PALM2AKAP2: variants seen among roughly 807,000 people sequenced by gnomAD.
PALM2AKAP2 encodes PALM2 and AKAP2 fusion, also known as PALM2-AKAP2 fusion protein.
A neutral mutation model predicts 71.5 loss-of-function variants in PALM2AKAP2; 37 were observed. The ratio of observed to expected loss-of-function variants is 0.52; its 90% CI spans 0.40 to 0.68. PALM2AKAP2 has a LOEUF of 0.68. Among genes scored for constraint, PALM2AKAP2 ranks in the 30% least tolerant of loss-of-function variants. The pLI, the probability that PALM2AKAP2 is intolerant of heterozygous loss-of-function variation, is 0.00. For missense variants in PALM2AKAP2, 1,224 were observed against 1,191.8 expected (o/e 1.03, Z -0.40); for synonymous variants, 468 against 478.8 (o/e 0.98, Z 0.29).
chr9:109,915,592 A>G (rs967008886), intron 3 of PALM2AKAP2, among the ~76,000 whole-genome samples: 4 of 152,152 alleles, frequency 2.6e-5, no homozygotes, highest in African/African-American at 9.7e-5. Context: ...GTATCCATCC[A>G]TCTGTGTCAT....
chr9:109,945,613 A>G (rs184328500), intron 6 of PALM2AKAP2: 74 of 152,360 alleles, frequency 4.9e-4, no homozygotes, highest in African/African-American at 1.5e-3. Context: ...TAAGAAAGAA[A>G]CAATCTGAAA....
At chr9:110,078,501 A>G (rs1263174885) in intron 1 of PALM2AKAP2, among the ~76,000 whole-genome samples, 3 of 152,196 alleles carry the variant, frequency 2.0e-5, no homozygotes, top group African/African-American at 4.8e-5. Context: ...TTTGTTTCAC[A>G]TTGTTCTGAA....
At chr9:109,682,619 C>G (rs550065212) in intron 1 of PALM2AKAP2, among the ~76,000 whole-genome samples, 1 of 152,326 alleles carries the variant, frequency 6.6e-6, no homozygotes, top group Non-Finnish European at 1.5e-5. Flanking sequence ...TTGTTCCACA[C>G]TGAGTAGTTT....
At chr9:110,123,285 G>A (rs1228233686) in intron 1 of PALM2AKAP2, among the ~76,000 whole-genome samples, 1 of 152,212 alleles carries the variant, frequency 6.6e-6, no homozygotes, top group Non-Finnish European at 1.5e-5. Flanking sequence ...GAGGCTAGAA[G>A]CACAAAATCC....
At chr9:110,089,995 A>C (rs1376289710) in intron 1 of PALM2AKAP2, among the ~76,000 whole-genome samples, 1 of 152,250 alleles carries the variant, frequency 6.6e-6, no homozygotes, top group Non-Finnish European at 1.5e-5. Flanking sequence ...TTTGAATTCA[A>C]GTAACAGCTA....
intron 1 of PALM2AKAP2, among the ~76,000 whole-genome samples, chr9:109,745,889 C>T (rs892584572): frequency 5.9e-5 from 9 of 152,154 alleles, no homozygotes; most frequent in African/African-American, 2.2e-4. Flanking sequence ...ATGACTCCAT[C>T]CAAAACGTTG....
At chr9:109,885,251 A>G (rs1372717386) in intron 3 of PALM2AKAP2, among the ~76,000 whole-genome samples, 1 of 152,194 alleles carries the variant, frequency 6.6e-6, no homozygotes, top group African/African-American at 2.4e-5. Context: ...CTCTGCCAGA[A>G]TTATTATATG....
chr9:110,005,462 A>G (rs1264687251), intron 6 of PALM2AKAP2, among the ~76,000 whole-genome samples: 1 of 152,088 alleles, frequency 6.6e-6, no homozygotes, highest in Non-Finnish European at 1.5e-5. Context: ...CAGTTAGGCT[A>G]CTCGGGGGTC....
Position 109,974,655 on chromosome 9 carries a change from A to G in PALM2AKAP2, c.497-41299A>G, listed in dbSNP as rs376648851. Among the ~76,000 whole-genome samples the G allele has an allele frequency of 1.2e-4, 18 of 152,312 alleles. No individual in the cohort carries two copies. The East Asian group carries it at 3.1e-3, about 26-fold the overall frequency. ...GGAAAAAAATCCCCTGCAATGGTTTACAAAGTGTACCGCAATAGTAAGAAA... is the reference window on the plus strand; with the variant it reads ...GGAAAAAAATCCCCTGCAATGGTTTGCAAAGTGTACCGCAATAGTAAGAAA... On this transcript the variant is annotated intron_variant, in intron 6 of 9. Transcript: ENST00000302798.
At chr9:110,046,876 T>C (rs1049515842), upstream of PALM2AKAP2, among the ~76,000 whole-genome samples, 3 of 152,180 alleles carry the variant, frequency 2.0e-5, no homozygotes, top group African/African-American at 7.2e-5. Flanking sequence ...CATGATATTG[T>C]TTATAACATC....
At chr9:109,876,959 G>A (rs767260762) in intron 2 of PALM2AKAP2, among the ~76,000 whole-genome samples, 5 of 152,146 alleles carry the variant, frequency 3.3e-5, no homozygotes, top group South Asian at 4.1e-4. Context: ...AGCTAAGTTG[G>A]TGAGAAGTGA....
At chr9:110,114,696 G>A (rs895729885) in intron 1 of PALM2AKAP2, among the ~76,000 whole-genome samples, 3 of 152,128 alleles carry the variant, frequency 2.0e-5, no homozygotes, top group Non-Finnish European at 2.9e-5. Context: ...GCAGCAAAAC[G>A]GTCAACAGCA....
chr9:109,904,692 A>G (rs1302871393), intron 3 of PALM2AKAP2, among the ~76,000 whole-genome samples: 1 of 152,176 alleles, frequency 6.6e-6, no homozygotes, highest in African/African-American at 2.4e-5. Context: ...TCTGCTGAAC[A>G]CAGAGGTGGC....
At chr9:109,680,808 G>A (rs1323203322) in intron 1 of PALM2AKAP2, among the ~76,000 whole-genome samples, 1 of 152,132 alleles carries the variant, frequency 6.6e-6, no homozygotes, top group Non-Finnish European at 1.5e-5. Context: ...AAGGTCACAG[G>A]TACTGCTAAT....
At chr9:110,072,802 T>C (rs1834233108) in intron 1 of PALM2AKAP2, among the ~76,000 whole-genome samples, 1 of 152,166 alleles carries the variant, frequency 6.6e-6, no homozygotes, top group Non-Finnish European at 1.5e-5. Flanking sequence ...TGGGCTGGCA[T>C]TCTTGGTCTC....
chr9:109,691,263 G>A lies in PALM2AKAP2; in HGVS notation c.5+50397G>A, dbSNP rs927145344. On this transcript the variant is annotated intron_variant, in intron 1 of 6. Coordinates refer to the PALM2AKAP2 transcript ENST00000374531. ...CTGTAATCTGTCAGCACAATAGCTGGGATGGAGTGAGAATCAGTATCTGAT... is the reference window on the plus strand; with the variant it reads ...CTGTAATCTGTCAGCACAATAGCTGAGATGGAGTGAGAATCAGTATCTGAT... Among the ~76,000 whole-genome samples, 7 of 151,600 alleles carry A rather than the reference G, an allele frequency of 4.6e-5. No homozygotes were observed. In the South Asian group the frequency reaches 8.3e-4, roughly 18 times the overall value.
At chr9:109,853,559 G>A (rs1270443391) in intron 1 of PALM2AKAP2, among the ~76,000 whole-genome samples, 1 of 152,290 alleles carries the variant, frequency 6.6e-6, no homozygotes, top group Non-Finnish European at 1.5e-5. Context: ...TAATACTTAA[G>A]TCTCTCTCTT....
At chr9:109,647,775 T>TA (rs1275850826) in intron 1 of PALM2AKAP2, among the ~76,000 whole-genome samples, 1 of 152,232 alleles carries the variant, frequency 6.6e-6, no homozygotes, top group Non-Finnish European at 1.5e-5. Context: ...GAAAATCACT[T>TA]ACAAAGACAA....
exon 4 of PALM2AKAP2, chr9:109,923,808 A>C (rs1232702055): frequency 1.2e-6 from 2 of 1,601,196 alleles, no homozygotes; most frequent in Non-Finnish European, 1.7e-6. Flanking sequence ...CATCCTAGAG[A>C]AACTGAAGGA....
Sources: allele counts gnomAD v4.1 joint callset (sites outside exome capture counted in the v4.1 genomes callset), GRCh38; gene constraint gnomAD v4.1.1; transcripts MANE v1.5; gene names NCBI Gene and HGNC (gene_info 2026-07-23, HGNC 2026-07-21).